DLGAP2: variants seen among roughly 807,000 people sequenced by gnomAD.
The protein encoded by DLGAP2 is DLG associated protein 2, also known as disks large-associated protein 2.
Under a neutral mutation model 100.3 loss-of-function variants are expected in DLGAP2, and 26 were observed. That is an observed-to-expected ratio of 0.26 (90% CI 0.19 to 0.36). The LOEUF is 0.36. DLGAP2 is among the 10% of genes least tolerant of loss of function. The pLI is 1.00. For synonymous variants in DLGAP2, 886 were observed against 630.1 expected (o/e 1.41, Z -6.08); for missense variants, 1,858 against 1,453.2 (o/e 1.28, Z -4.53).
chr8:757,867 G>A (rs1038574493), intron 1 of DLGAP2, among the ~76,000 whole-genome samples: 4 of 152,194 alleles, frequency 2.6e-5, no homozygotes, highest in African/African-American at 7.2e-5. Flanking sequence ...ATCGGGGCAC[G>A]TGTAGCAGGC....
At chr8:846,046 T>G (rs1349268621) in intron 1 of DLGAP2, among the ~76,000 whole-genome samples, 1 of 152,272 alleles carries the variant, frequency 6.6e-6, no homozygotes, top group East Asian at 1.9e-4. Context: ...GAGTACAATG[T>G]GATGTTTTAA....
intron 2 of DLGAP2, among the ~76,000 whole-genome samples, chr8:1,163,084 C>A (rs1796923200): frequency 6.6e-6 from 1 of 152,164 alleles, no homozygotes; most frequent in Admixed American, 6.5e-5. Context: ...TGGTAAGAGG[C>A]CCGGGGCTGC....
At chr8:1,154,211 G>T (rs1796741497) in intron 2 of DLGAP2, among the ~76,000 whole-genome samples, 5 of 152,100 alleles carry the variant, frequency 3.3e-5, no homozygotes, top group Admixed American at 3.3e-4. Context: ...CTACGGCGTC[G>T]TCCAAGCAAA....
rs1322663466 is a variant in DLGAP2 at position 1,548,796 on chromosome 8, G to A, written c.343G>A (p.Asp115Asn). 3.8e-6 allele frequency: 6 copies of A among 1,582,992 alleles called. No individual in the cohort carries two copies. The highest frequency in any genetic ancestry group is 5.1e-6 in the Non-Finnish European group (6 of 1,168,130). Residue 115 changes from aspartate to asparagine, a missense_variant, in exon 5 of 15, where the codon GAC becomes AAC. By Grantham distance (23) the Asp-to-Asn change is conservative. Coordinates refer to ENST00000637795, the MANE Select transcript of DLGAP2 (RefSeq NM_001346810.2). ...EDCEHLHHGP[D>N]ARPPYLLSPA... ...CTGCGAGCACCTGCACCACGGGCCCGACGCGCGGCCGCCCTACCTGCTGAG... is the reference window on the plus strand; with the variant it reads ...CTGCGAGCACCTGCACCACGGGCCCAACGCGCGGCCGCCCTACCTGCTGAG...
At chr8:1,335,896 C>A (rs559429453) in intron 3 of DLGAP2, among the ~76,000 whole-genome samples, 1 of 151,606 alleles carries the variant, frequency 6.6e-6, no homozygotes, top group East Asian at 1.9e-4. Context: ...CGCGTGGTGA[C>A]GCGGGAGGCA....
chr8:1,548,173 T>G (rs1801606426), intron 4 of DLGAP2, among the ~76,000 whole-genome samples: 1 of 152,104 alleles, frequency 6.6e-6, no homozygotes, highest in South Asian at 2.1e-4. Flanking sequence ...TAAAAACAAC[T>G]GCCTGGCCGG....
intron 2 of DLGAP2, among the ~76,000 whole-genome samples, chr8:1,082,859 A>C (rs1803857045): frequency 6.6e-6 from 1 of 152,234 alleles, no homozygotes; most frequent in African/African-American, 2.4e-5. Context: ...ATTTAAAATG[A>C]GGATGGGAAA....
chr8:1,676,576 G>T lies in DLGAP2; in HGVS notation c.2246G>T (p.Arg749Leu). The change falls in exon 11 of 15, where the codon CGG (arginine) becomes CTG (leucine). Residue 749 changes from arginine to leucine, a missense_variant. Physicochemically the swap from Arg to Leu is moderately radical, Grantham distance 102. Transcript: ENST00000637795. ...TCTGACACGGAGAGCCGCGGTCTGC[G>T]GGAATACCACTCTGTCGGGGTGCAA... ...TDSDTESRGLREYHSVGVQVE... is the reference protein window; with the variant it reads ...TDSDTESRGLLEYHSVGVQVE... The T allele has an allele frequency of 1.2e-5, 20 of 1,613,518 alleles. No homozygotes were observed. Among genetic ancestry groups the T allele is most frequent in the Non-Finnish European group, 1.7e-5 (20 of 1,179,732 alleles).
At chr8:1,366,451 G>A (rs1439141167) in intron 3 of DLGAP2, among the ~76,000 whole-genome samples, 1 of 152,170 alleles carries the variant, frequency 6.6e-6, no homozygotes, top group Non-Finnish European at 1.5e-5. Flanking sequence ...ACAGACGTGG[G>A]TCCCCATCTG....
chr8:1,608,050 G>GGCCT (rs1463895922), intron 6 of DLGAP2, among the ~76,000 whole-genome samples: 1 of 87,636 alleles, frequency 1.1e-5, no homozygotes, highest in South Asian at 5.1e-4. Flanking sequence ...AGCTCAAGGA[G>GGCCT]GCCTGCCTGC....
chr8:1,673,164 G>GCAAT (rs1563055038), intron 10 of DLGAP2, among the ~76,000 whole-genome samples: 1 of 152,128 alleles, frequency 6.6e-6, no homozygotes, highest in Non-Finnish European at 1.5e-5. Flanking sequence ...GTGCAGTGGT[G>GCAAT]CAATCAATCA....
intron 3 of DLGAP2, among the ~76,000 whole-genome samples, chr8:1,382,493 T>C (rs1796119467): frequency 6.6e-6 from 1 of 152,158 alleles, no homozygotes; most frequent in African/African-American, 2.4e-5. Flanking sequence ...TGCAGCGCTT[T>C]GGGAGGCAGG....
At chr8:928,139 A>ATTTCTGGTCATG (rs1017204071) in intron 2 of DLGAP2, among the ~76,000 whole-genome samples, 4 of 152,262 alleles carry the variant, frequency 2.6e-5, no homozygotes, top group African/African-American at 9.6e-5. Context: ...TCCTAGGAGA[A>ATTTCTGGTCATG]TTTCTGGTCA....
intron 3 of DLGAP2, among the ~76,000 whole-genome samples, chr8:1,409,537 G>A (rs757982792): frequency 1.3e-5 from 2 of 152,214 alleles, no homozygotes; most frequent in African/African-American, 2.4e-5. Context: ...AACCCTCCTC[G>A]CTTCCCAGCC....
chr8:1,327,648 T>C (rs1439718384), intron 3 of DLGAP2, among the ~76,000 whole-genome samples: 1 of 151,954 alleles, frequency 6.6e-6, no homozygotes, highest in Non-Finnish European at 1.5e-5. Context: ...ATCGAGACCA[T>C]CCTGACTAAC....
intron 3 of DLGAP2, among the ~76,000 whole-genome samples, chr8:1,472,859 T>C (rs1000151198): frequency 4.6e-5 from 7 of 152,182 alleles, no homozygotes; most frequent in Non-Finnish European, 1.0e-4. Flanking sequence ...AGCATATACT[T>C]TTCACATGGC....
intron 3 of DLGAP2, among the ~76,000 whole-genome samples, chr8:1,290,264 C>T (rs1044706315): frequency 4.6e-5 from 7 of 152,192 alleles, no homozygotes; most frequent in South Asian, 2.1e-4. Flanking sequence ...ACGTCCGTCG[C>T]GCTCCTGACG....
intron 2 of DLGAP2, among the ~76,000 whole-genome samples, chr8:1,052,015 A>T (rs1392703061): frequency 6.6e-6 from 1 of 152,190 alleles, no homozygotes; most frequent in Non-Finnish European, 1.5e-5. Context: ...GGGATGCCCC[A>T]CAAGGATGCA....
chr8:1,093,755 C>A lies in DLGAP2; in HGVS notation c.74-165096C>A, dbSNP rs1456449910. Among the ~76,000 whole-genome samples the A allele has an allele frequency of 2.0e-5, 3 of 151,864 alleles. No individual in the cohort carries two copies. In the South Asian group the frequency reaches 6.2e-4, roughly 31 times the overall value. ...CAGCCAGACAGGTGTTTGACCAACTCTCTGGGCACCATGGCCCACCAGGTG... is the reference window on the plus strand; with the variant it reads ...CAGCCAGACAGGTGTTTGACCAACTATCTGGGCACCATGGCCCACCAGGTG... On this transcript the variant is annotated intron_variant, in intron 2 of 14. Transcript: ENST00000637795.
Sources: gnomAD v4.1 joint callset for allele counts (sites outside exome capture counted in the v4.1 genomes callset) on GRCh38, gnomAD v4.1.1 for gene constraint, MANE v1.5 for transcripts, NCBI Gene and HGNC (gene_info 2026-07-23, HGNC 2026-07-21) for gene names.